The following NLRP9 variants were observed in gnomAD, a reference collection of about 807,000 sequenced individuals.
NLRP9 encodes the protein NACHT, LRR and PYD domains-containing protein 9.
NLRP9 carries 88 observed loss-of-function variants against 83.1 expected under a neutral mutation model. The observed-to-expected ratio is 1.06, with a 90% confidence interval of 0.89 to 1.26. The LOEUF is 1.26. Ranked by LOEUF, NLRP9 falls within the 50% of genes most tolerant of loss-of-function variation. The probability of loss-of-function intolerance (pLI) is 0.00; values close to 1 mark genes in which losing one functional copy is unlikely to be tolerated. For synonymous variants in NLRP9, 521 were observed against 447.6 expected (o/e 1.16, Z -2.07); for missense variants, 1,308 against 1,179.3 (o/e 1.11, Z -1.60).
intron 8 of NLRP9, 81 bp downstream of exon 8, chr19:55,711,719 T>A (rs1234300552): frequency 7.3e-7 from 1 of 1,374,072 alleles, no homozygotes; most frequent in South Asian, 1.2e-5. Context: ...CTGGCATCCA[T>A]CATGTCGCGG....
intron 8 of NLRP9, 42 bp downstream of exon 8, chr19:55,711,758 G>A (rs200601592): frequency 8.2e-6 from 13 of 1,594,086 alleles, no homozygotes; most frequent in South Asian, 4.4e-5. Flanking sequence ...AACTAAGCTC[G>A]TTCTGAAGTC....
At chr19:55,713,420 C>CCACACT (rs1251528444) in intron 6 of NLRP9, among the ~76,000 whole-genome samples, 1 of 151,636 alleles carries the variant, frequency 6.6e-6, no homozygotes, top group Non-Finnish European at 1.5e-5. Flanking sequence ...ACGTGTCTAC[C>CCACACT]CACACTCACA....
At chr19:55,730,614 G>C (rs1333730165) in intron 2 of NLRP9, among the ~76,000 whole-genome samples, 3 of 152,158 alleles carry the variant, frequency 2.0e-5, no homozygotes, top group South Asian at 4.1e-4. Flanking sequence ...GCAAGGACAT[G>C]GATGGAGCGG....
intron 7 of NLRP9, 44 bp from the exon 8 acceptor site, chr19:55,712,014 T>C (rs781746040): frequency 2.1e-4 from 328 of 1,592,816 alleles, no homozygotes; most frequent in Non-Finnish European, 2.7e-4. Flanking sequence ...TAGCTTTGGG[T>C]AGGCTGGAAG....
intron 4 of NLRP9, among the ~76,000 whole-genome samples, chr19:55,719,577 T>C (rs1396376161): frequency 1.3e-5 from 2 of 152,280 alleles, no homozygotes; most frequent in Non-Finnish European, 2.9e-5. Context: ...CTCAGTCTTT[T>C]GACTTTTTAT....
chr19:55,720,014 CAG>C (rs1422095061), intron 4 of NLRP9, among the ~76,000 whole-genome samples: 1 of 152,002 alleles, frequency 6.6e-6, no homozygotes, highest in Non-Finnish European at 1.5e-5. Context: ...AGAAAGAAAA[CAG>C]TGAAAGAAAA....
Position 55,732,130 on chromosome 19 carries a change from T to G in NLRP9, c.1701A>C (p.Glu567Asp). The G allele has an allele frequency of 6.2e-7, 1 of 1,613,042 alleles. No homozygotes were observed. The highest frequency in any genetic ancestry group is 8.5e-7 in the Non-Finnish European group (1 of 1,179,630). Reference protein sequence around the residue: ...FVTKVMNFFEEVFIYIGNIEH... With the variant: ...FVTKVMNFFEDVFIYIGNIEH... ...CTATGTTACCAATATAAATGAAAACTTCTTCAAAGAAATTCATCACTTTGG... is the reference window on the plus strand; with the variant it reads ...CTATGTTACCAATATAAATGAAAACGTCTTCAAAGAAATTCATCACTTTGG... The change falls in exon 2 of 9, where the codon GAA becomes GAC. Residue 567 changes from glutamate to aspartate, a missense_variant. By Grantham distance (45) the Glu-to-Asp change is conservative. Coordinates refer to ENST00000332836, the MANE Select transcript of NLRP9 (RefSeq NM_176820.4).
intron 6 of NLRP9, among the ~76,000 whole-genome samples, chr19:55,713,443 T>C (rs1373837762): frequency 6.6e-6 from 1 of 151,754 alleles, no homozygotes; most frequent in Non-Finnish European, 1.5e-5. Flanking sequence ...TATATATGTA[T>C]GTGTCTGATG....
In NLRP9 at chr19:55,712,461, A is replaced by C; in HGVS notation, c.2631T>G (p.Cys877Trp). The C allele has an allele frequency of 6.2e-7, 1 of 1,612,894 alleles. No individual in the cohort carries two copies. The change falls in exon 7 of 9, where the codon TGT becomes TGG. Residue 877 changes from cysteine (C) to tryptophan (W), a missense_variant. Physicochemically the swap from Cys to Trp is radical, Grantham distance 215. Coordinates refer to ENST00000332836, the MANE Select transcript of NLRP9 (RefSeq NM_176820.4). Reference protein sequence around the residue: ...EIGDTGVRQLCAALQHPHCKL... With the variant: ...EIGDTGVRQLWAALQHPHCKL... ...TACAGTGAGGATGCTGCAAAGCTGC[A>C]CATAACTGTCTGACACCAGTGTCTC...
At chr19:55,718,638 T>C (rs1173032663) in intron 4 of NLRP9, among the ~76,000 whole-genome samples, 1 of 152,238 alleles carries the variant, frequency 6.6e-6, no homozygotes, top group Non-Finnish European at 1.5e-5. Flanking sequence ...CACATGTTTC[T>C]CTGCTGACCC....
chr19:55,725,082 T>C (rs763379999), intron 3 of NLRP9, among the ~76,000 whole-genome samples: 13 of 152,136 alleles, frequency 8.5e-5, no homozygotes, highest in Non-Finnish European at 1.9e-4. Flanking sequence ...TGAGCATTTA[T>C]TGTAATGCCT....
Position 55,732,360 on chromosome 19 carries a change from C to T in NLRP9, c.1471G>A (p.Val491Met). The part of the protein sequence containing the change: ...VVQPQTLLTQ[V>M]GIFMFGISTE... The stretch of plus-strand genomic sequence containing the variant: ...GAAATTCCAAACATGAATATCCCCA[C>T]CTGGGTCAAGAGGGTTTGAGGCTGA... Residue 491 changes from valine (V) to methionine (M), a missense_variant, in exon 2 of 9, where the codon GTG (valine) becomes ATG (methionine). Val to Met is a conservative substitution (Grantham distance 21, BLOSUM62 1). Transcript: ENST00000332836. 1 of 1,614,228 alleles carries T rather than the reference C, an allele frequency of 6.2e-7. No homozygotes were observed. Among genetic ancestry groups the T allele is most frequent in the Non-Finnish European group, 8.5e-7 (1 of 1,180,026 alleles).
rs1568589522 is a variant in NLRP9 at position 55,709,056 on chromosome 19, G to T, written c.2844-12C>A. 2 of 1,549,516 alleles carry T rather than the reference G, an allele frequency of 1.3e-6. No individual in the cohort carries two copies. The highest frequency in any genetic ancestry group is 1.3e-5 in the South Asian group (1 of 79,614). On this transcript the variant is annotated splice_polypyrimidine_tract_variant and intron_variant, in intron 8 of 8. Coordinates refer to ENST00000332836, the MANE Select transcript of NLRP9 (RefSeq NM_176820.4). ...CAGATTTGTGCAGCCTGGGAAAATA[G>T]AAATAAAGTTTTTTTTTTTGTTTTT...
At chr19:55,715,312 C>T (rs1354608955) in intron 5 of NLRP9, 87 bp from the exon 6 acceptor site, 8 of 1,150,518 alleles carry the variant, frequency 7.0e-6, no homozygotes, top group Non-Finnish European at 9.9e-6. Flanking sequence ...CCCACTGAAG[C>T]TTCCTATGGT....
intron 3 of NLRP9, among the ~76,000 whole-genome samples, chr19:55,725,856 A>G (rs1349573333): frequency 6.6e-6 from 1 of 151,980 alleles, no homozygotes; most frequent in Non-Finnish European, 1.5e-5. Context: ...ATGAAACCCC[A>G]TCTCTACTAA....
At position 55,729,898 on chromosome 19, in the gene NLRP9, C is replaced by A. The variant is rs758258759; in HGVS notation, c.1927G>T (p.Asp643Tyr). 6.2e-7 allele frequency: 1 copy of A among 1,613,738 alleles called. No homozygotes were observed. Among genetic ancestry groups the A allele is most frequent in the Non-Finnish European group, 8.5e-7 (1 of 1,179,712 alleles). The change falls in exon 3 of 9, where the codon GAT becomes TAT. Residue 643 changes from aspartate to tyrosine, a missense_variant. Coordinates refer to ENST00000332836, the MANE Select transcript of NLRP9 (RefSeq NM_176820.4). ...QILDMENTSL[D>Y]DPSLAILCKA... The stretch of plus-strand genomic sequence containing the variant: ...CAAAGAATCGCCAGGGAGGGATCAT[C>A]GAGGCTGGTATTTTCCATGTCTAAA...
At chr19:55,715,365 A>G (rs1249539702) in intron 5 of NLRP9, 140 bp from the exon 6 acceptor site, 1 of 713,714 alleles carries the variant, frequency 1.4e-6, no homozygotes, top group African/African-American at 1.8e-5. Flanking sequence ...ACCTTTCCAG[A>G]TGTTCCTTGA....
chr19:55,733,604 T>C (rs566617976), intron 1 of NLRP9, 54 bp from the exon 2 acceptor site: 29 of 1,058,432 alleles, frequency 2.7e-5, no homozygotes, highest in African/African-American at 6.4e-5. Context: ...CATTCTTTTA[T>C]ACTTCTGAGA....
chr19:55,708,939 TTCCTCGTCAA>T lies in NLRP9; in HGVS notation c.2939_2948del (p.Ile980AsnfsTer37), dbSNP rs759819337. The stretch of plus-strand genomic sequence containing the variant: ...AGAGGAGCACACCCCTGATCTTGTA[TTCCTCGTCAA>T]TCCAAGGTCCATGTGAAATGGTCAG... On this transcript the variant is annotated frameshift_variant, in exon 9 of 9. Coordinates refer to ENST00000332836, the MANE Select transcript of NLRP9 (RefSeq NM_176820.4). LOFTEE classifies it low-confidence loss of function (END_TRUNC). 3 of 1,569,428 alleles carry T rather than the reference TTCCTCGTCAA, an allele frequency of 1.9e-6. No individual in the cohort carries two copies. In the Admixed American group the frequency reaches 5.9e-5, roughly 31 times the overall value.
Sources: gnomAD v4.1 joint callset for allele counts (sites outside exome capture counted in the v4.1 genomes callset) on GRCh38, gnomAD v4.1.1 for gene constraint, MANE v1.5 for transcripts, NCBI Gene and HGNC (gene_info 2026-07-23, HGNC 2026-07-21) for gene names.